The following SIMC1 variants were observed in gnomAD, a reference collection of about 807,000 sequenced individuals.
SIMC1 encodes the protein SUMO interacting motifs containing 1.
SIMC1 carries 55 observed loss-of-function variants against 82.3 expected under a neutral mutation model. The observed-to-expected ratio is 0.67, with a 90% CI of 0.54 to 0.84. The LOEUF (loss-of-function observed/expected upper bound fraction) is 0.84. SIMC1 is among the 40% of genes least tolerant of loss of function. The pLI, the probability that SIMC1 is intolerant of heterozygous loss-of-function variation, is 0.00. For missense variants in SIMC1, 915 were observed against 1,107.2 expected, an observed-to-expected ratio of 0.83 and a Z score of 2.46; for synonymous variants, 353 against 426.3, an observed-to-expected ratio of 0.83 and a Z score of 2.12.
At chr5:176,269,759 T>C (rs1249353447) in intron 1 of SIMC1, among the ~76,000 whole-genome samples, 2 of 152,142 alleles carry the variant, frequency 1.3e-5, no homozygotes, top group Non-Finnish European at 1.5e-5. Flanking sequence ...ATTTTTTTTT[T>C]CTGAGAGATG....
intron 5 of SIMC1, among the ~76,000 whole-genome samples, chr5:176,314,873 T>C (rs1176489357): frequency 1.3e-5 from 2 of 152,210 alleles, no homozygotes; most frequent in Non-Finnish European, 2.9e-5. Context: ...CAGTATAGTA[T>C]TCAATAAATT....
chr5:176,283,515 C>G (rs1402867384), intron 1 of SIMC1, among the ~76,000 whole-genome samples: 1 of 152,176 alleles, frequency 6.6e-6, no homozygotes, highest in Non-Finnish European at 1.5e-5. Flanking sequence ...ACAAGAGCTC[C>G]TGAAGGAAGC....
intron 1 of SIMC1, among the ~76,000 whole-genome samples, chr5:176,259,524 A>G (rs192508955): frequency 6.6e-6 from 1 of 151,886 alleles, no homozygotes. Flanking sequence ...TATAATCCCA[A>G]CACTTTGGGA....
At chr5:176,283,726 T>G (rs1381290892) in intron 1 of SIMC1, among the ~76,000 whole-genome samples, 2 of 152,100 alleles carry the variant, frequency 1.3e-5, no homozygotes, top group Non-Finnish European at 2.9e-5. Flanking sequence ...AGACACAGAC[T>G]GGCAAATTGA....
At chr5:176,245,417 T>C (rs563945770) in intron 1 of SIMC1, among the ~76,000 whole-genome samples, 1 of 152,318 alleles carries the variant, frequency 6.6e-6, no homozygotes, top group South Asian at 2.1e-4. Flanking sequence ...GACACCTTGA[T>C]TTCAAACCTT....
intron 9 of SIMC1, among the ~76,000 whole-genome samples, chr5:176,341,707 A>T (rs1766154939): frequency 1.3e-5 from 2 of 152,218 alleles, no homozygotes; most frequent in Non-Finnish European, 2.9e-5. Flanking sequence ...TGCAAAGAAG[A>T]TGAAGAGCTC....
chr5:176,333,670 T>G (rs1008703371), intron 7 of SIMC1, among the ~76,000 whole-genome samples: 1 of 152,214 alleles, frequency 6.6e-6, no homozygotes, highest in Non-Finnish European at 1.5e-5. Context: ...CCTCAGTTGA[T>G]TCCCCCACCT....
At chr5:176,277,007 C>T (rs1189669414) in intron 1 of SIMC1, among the ~76,000 whole-genome samples, 2 of 150,800 alleles carry the variant, frequency 1.3e-5, no homozygotes, top group African/African-American at 2.4e-5. Flanking sequence ...GTTCCAGATC[C>T]CTGAGGAATC....
At chr5:176,293,165 C>A (rs1257345261) in intron 2 of SIMC1, among the ~76,000 whole-genome samples, 1 of 152,116 alleles carries the variant, frequency 6.6e-6, no homozygotes, top group Non-Finnish European at 1.5e-5. Context: ...GTGCTGGGCG[C>A]AGTGGCTCAC....
intron 1 of SIMC1, among the ~76,000 whole-genome samples, chr5:176,280,612 C>T (rs915965981): frequency 6.6e-6 from 1 of 152,050 alleles, no homozygotes; most frequent in Non-Finnish European, 1.5e-5. Context: ...CCTTCAGGAG[C>T]TCTTGTACGG....
At chr5:176,246,407 G>GGTGTGTGTGTGTGT (rs57262987) in intron 1 of SIMC1, among the ~76,000 whole-genome samples, 2 of 136,972 alleles carry the variant, frequency 1.5e-5, no homozygotes, top group African/African-American at 2.7e-5. Flanking sequence ...ATAGTTCAGG[G>GGTGTGTGTGTGTGT]GTGTGTGTGT....
At chr5:176,256,031 T>C (rs1377238794) in intron 1 of SIMC1, among the ~76,000 whole-genome samples, 4 of 152,172 alleles carry the variant, frequency 2.6e-5, no homozygotes, top group Non-Finnish European at 5.9e-5. Flanking sequence ...TACTGAGATA[T>C]GAATCTGAGA....
intron 9 of SIMC1, among the ~76,000 whole-genome samples, chr5:176,342,390 T>G (rs1766188914): frequency 6.6e-6 from 1 of 152,226 alleles, no homozygotes; most frequent in Non-Finnish European, 1.5e-5. Context: ...ACTCTGATTT[T>G]TTTAAGTTTC....
Position 176,256,602 on chromosome 5 carries a change from AAC to A in SIMC1, c.129+17968_129+17969del, listed in dbSNP as rs199559583. ...TTTAAAAACACCTTTTCTAAAAAGA[AAC>A]ACTACCACATGAAATGCACACATTA... is the stretch of plus-strand genomic sequence containing the variant. On this transcript the variant is annotated intron_variant, in intron 1 of 9. Transcript: ENST00000429602. Among the ~76,000 whole-genome samples the A allele has an allele frequency of 4.1e-3, 625 of 152,336 alleles. 3 individuals are homozygous for A. The highest frequency in any genetic ancestry group is 0.014 in the African/African-American group (588 of 41,562).
rs558527152 is a variant in SIMC1, at chr5:176,260,021, A to G, written c.129+21384A>G. ...AATTTATATATATTTATATATAATT[A>G]GTATATATATTTTAAAATTAAAAAA... is the stretch of plus-strand genomic sequence containing the variant. On this transcript the variant is annotated intron_variant, in intron 1 of 9. Coordinates refer to ENST00000429602, the MANE Select transcript of SIMC1 (RefSeq NM_001308195.2). 1.1e-3 allele frequency among the ~76,000 whole-genome samples: 165 copies of G among 148,966 alleles called. 1 individual carries two copies. The highest frequency in any genetic ancestry group is 1.8e-3 in the Non-Finnish European group (119 of 67,322).
At chr5:176,339,910 A>G (rs1766056340) in intron 9 of SIMC1, among the ~76,000 whole-genome samples, 2 of 152,190 alleles carry the variant, frequency 1.3e-5, no homozygotes, top group South Asian at 4.1e-4. Flanking sequence ...GTCAGTAAGC[A>G]TCTTACTGTG....
At chr5:176,280,926 A>T (rs372580281) in intron 1 of SIMC1, among the ~76,000 whole-genome samples, 5 of 152,074 alleles carry the variant, frequency 3.3e-5, no homozygotes, top group African/African-American at 1.2e-4. Context: ...TGCTCTTCTC[A>T]AGGAGTATCT....
At position 176,339,289 on chromosome 5, in the gene SIMC1, G is replaced by A. The variant is rs190635829; in HGVS notation, c.2413+2143G>A. ...TGAGGCAGGAGAATCATTTGAACCC[G>A]GGAGGTGGAGGTTGCAGTGAGCCAA... is the stretch of plus-strand genomic sequence containing the variant. On this transcript the variant is annotated intron_variant, in intron 9 of 9. Coordinates refer to ENST00000429602, the MANE Select transcript of SIMC1 (RefSeq NM_001308195.2). Among the ~76,000 whole-genome samples, 922 of 152,210 alleles carry A rather than the reference G, an allele frequency of 6.1e-3. 7 individuals are homozygous for A. The highest frequency in any genetic ancestry group is 0.021 in the African/African-American group (871 of 41,532).
At chr5:176,301,574 TC>T (rs1278337446) in intron 4 of SIMC1, among the ~76,000 whole-genome samples, 1 of 152,118 alleles carries the variant, frequency 6.6e-6, no homozygotes, top group Non-Finnish European at 1.5e-5. Flanking sequence ...GGCCAGGAGT[TC>T]AAGACCAGCA....
Sources: gnomAD v4.1 joint callset for allele counts (sites outside exome capture counted in the v4.1 genomes callset) on GRCh38, gnomAD v4.1.1 for gene constraint, MANE v1.5 for transcripts, NCBI Gene and HGNC (gene_info 2026-07-23, HGNC 2026-07-21) for gene names.